The following GAS2L1 variants were observed in gnomAD, a reference collection of about 807,000 sequenced individuals.
GAS2L1 encodes the protein growth arrest specific 2 like 1.
In GAS2L1, 26 loss-of-function variants were observed where a neutral mutation model predicts 44.0. That is an observed-to-expected ratio of 0.59 (90% CI 0.43 to 0.82). GAS2L1 has a LOEUF of 0.82. Among genes scored for constraint, GAS2L1 ranks in the 40% least tolerant of loss-of-function variants. The probability of loss-of-function intolerance (pLI) is 0.00; values close to 1 mark genes in which losing one functional copy is unlikely to be tolerated. For synonymous variants in GAS2L1, 426 were observed against 415.9 expected (o/e 1.02, Z -0.30); for missense variants, 1,006 against 983.0 (o/e 1.02, Z -0.31).
exon 5 of GAS2L1, chr22:29,311,734 C>G (rs2061409064): frequency 2.6e-6 from 4 of 1,532,744 alleles, no homozygotes; most frequent in African/African-American, 1.4e-5. Flanking sequence ...CTGTCGGTCC[C>G]CAGCCCTGCC....
At chr22:29,311,730 G>T in exon 5 of GAS2L1, 1 of 1,532,344 alleles carries the variant, frequency 6.5e-7, no homozygotes, top group Non-Finnish European at 8.7e-7. Context: ...CCAGCTGTCG[G>T]TCCCCAGCCC....
chr22:29,308,055 A>G, exon 1 of GAS2L1: 1 of 1,472,434 alleles, frequency 6.8e-7, no homozygotes, highest in Non-Finnish European at 9.0e-7. Flanking sequence ...CTGGGTCCCC[A>G]CAGCGATCCT....
chr22:29,310,605 C>A (rs765898487), intron 2 of GAS2L1, 33 bp from the exon 4 acceptor site: 1 of 1,591,720 alleles, frequency 6.3e-7, no homozygotes, highest in Non-Finnish European at 8.6e-7. Context: ...GCGGGGCGCC[C>A]GGGGCACAGC....
exon 2 of GAS2L1, chr22:29,310,490 A>G (rs1234070860): frequency 6.2e-7 from 1 of 1,612,602 alleles, no homozygotes. Context: ...TCCCATGATC[A>G]AGGTCTCAGA....
At chr22:29,308,569 C>T (rs2061373010) in exon 1 of GAS2L1, 2 of 1,598,640 alleles carry the variant, frequency 1.3e-6, no homozygotes, top group Non-Finnish European at 1.7e-6. Flanking sequence ...CTGCTGGCCC[C>T]ACGCCTCGTG....
chr22:29,308,609 G>A (rs113516975), exon 1 of GAS2L1: 5 of 1,594,938 alleles, frequency 3.1e-6, no homozygotes, highest in Middle Eastern at 1.7e-4. Flanking sequence ...AGCGGGAGCT[G>A]CGTGCTGCAC....
exon 5 of GAS2L1, chr22:29,311,489 C>G: frequency 6.7e-7 from 1 of 1,499,010 alleles, no homozygotes; most frequent in South Asian, 1.2e-5. Flanking sequence ...CCCCCCATCC[C>G]CGCTCCCGCC....
exon 5 of GAS2L1, chr22:29,312,223 C>A: frequency 6.2e-7 from 1 of 1,613,016 alleles, no homozygotes; most frequent in Non-Finnish European, 8.5e-7. Context: ...AATGGGCTGC[C>A]TGGGCCCCGA....
chr22:29,307,296 C>T (rs1266905755), exon 1 of GAS2L1: 1 of 152,228 alleles, frequency 6.6e-6, no homozygotes, highest in Non-Finnish European at 1.5e-5. Flanking sequence ...GGCCCAGAGC[C>T]CCAGCACCGG....
chr22:29,312,014 G>A, exon 5 of GAS2L1: 1 of 1,611,990 alleles, frequency 6.2e-7, no homozygotes, highest in Non-Finnish European at 8.5e-7. Context: ...TCCGGCGCCT[G>A]GAAGAGGAGT....
Position 29,312,107 on chromosome 22 carries a change from CCCTCCAGCTCCTGACTCTGCCTATTGTT to C in GAS2L1, c.1664_1691del (p.Ala555ValfsTer52), listed in dbSNP as rs1438806692. 2.5e-6 allele frequency: 4 copies of C among 1,612,768 alleles called. No homozygotes were observed. Among genetic ancestry groups the C allele is most frequent in the African/African-American group, 1.3e-5 (1 of 74,954 alleles). On this transcript the variant is annotated frameshift_variant, in exon 5 of 5. Transcript: ENST00000618518. LOFTEE classifies it high-confidence loss of function. ...CCCCTGACCCAGCTCGGGCCCCCGA[CCCTCCAGCTCCTGACTCTGCCTATTGTT>C]CCTCCAGTTCCTCCTCTTCGTCCCT...
chr22:29,308,771 G>A (rs529843808), intron 1 of GAS2L1, 33 bp downstream of exon 2: 59 of 1,460,770 alleles, frequency 4.0e-5, no homozygotes, highest in Non-Finnish European at 4.9e-5. Flanking sequence ...CCAGGGACCC[G>A]ACAGCACAGC....
At chr22:29,309,935 G>A (rs996004339) in intron 1 of GAS2L1, among the ~76,000 whole-genome samples, 4 of 152,156 alleles carry the variant, frequency 2.6e-5, no homozygotes, top group African/African-American at 9.7e-5. Flanking sequence ...GCAGCTCCCT[G>A]GACCCAGAGA....
Position 29,310,099 on chromosome 22 carries a change from G to A in GAS2L1, c.634-340G>A, listed in dbSNP as rs112331835. Among the ~76,000 whole-genome samples the A allele has an allele frequency of 3.2e-3, 493 of 152,040 alleles. 2 individuals carry two copies. The highest frequency in any genetic ancestry group is 0.011 in the African/African-American group (460 of 41,478). On this transcript the variant is annotated intron_variant, in intron 1 of 4. Coordinates refer to ENST00000618518, the Ensembl canonical transcript of GAS2L1. ...CTCTACTAAAAATACAAAATTAGCC[G>A]GGAGTGGTGGTGCATGCCTGTAATC...
chr22:29,311,009 G>T lies in GAS2L1; in HGVS notation c.1010+11G>T. 6.2e-7 allele frequency: 1 copy of T among 1,607,418 alleles called. No homozygotes were observed. On this transcript the variant is annotated intron_variant, in intron 4 of 4. Coordinates refer to ENST00000618518, the Ensembl canonical transcript of GAS2L1. ...CGAGACCCCACCCAGGTGAGATGCAGGAGGACGAGGAGTGAGGGGTCCAGA... is the reference window on the plus strand; with the variant it reads ...CGAGACCCCACCCAGGTGAGATGCATGAGGACGAGGAGTGAGGGGTCCAGA...
chr22:29,310,026 C>G (rs1216495226), intron 1 of GAS2L1, among the ~76,000 whole-genome samples: 1 of 152,016 alleles, frequency 6.6e-6, no homozygotes, highest in Non-Finnish European at 1.5e-5. Context: ...ATTTGGGAGG[C>G]CGAGGCGGGT....
Position 29,311,508 on chromosome 22 carries a change from G to T in GAS2L1, c.1057G>T (p.Gly353Trp), listed in dbSNP as rs752899183. 12 of 1,527,962 alleles carry T rather than the reference G, an allele frequency of 7.9e-6. No individual in the cohort carries two copies. In the East Asian group the frequency reaches 3.0e-4, roughly 38 times the overall value. 94.7% of individuals were successfully genotyped at this position (1,527,962 alleles called of 1,614,324 possible). The change falls in exon 5 of 5, where the codon GGG (glycine) becomes TGG (tryptophan). Residue 353 changes from glycine to tryptophan, a missense_variant. Gly to Trp is a radical substitution (Grantham distance 184). Transcript: ENST00000618518. ...CCATCCCCGCTCCCGCCGCTACTCC[G>T]GGGACAGTGACTCCTCAGCCTCCTC...
At position 29,310,428 on chromosome 22, in the gene GAS2L1, T is replaced by C. The variant is rs1177924070; in HGVS notation, c.634-11T>C. ...TGACCTCTGACCCCTACCCTCTCTC[T>C]CTGGCCTCAGGTGAGGGAGATTCTG... On this transcript the variant is annotated splice_polypyrimidine_tract_variant and intron_variant, in intron 1 of 4. Coordinates refer to ENST00000618518, the Ensembl canonical transcript of GAS2L1. 1.3e-6 allele frequency: 2 copies of C among 1,501,538 alleles called. No homozygotes were observed. Among genetic ancestry groups the C allele is most frequent in the South Asian group, 2.3e-5 (2 of 88,466 alleles). The allele number at this position is 1,501,538 out of a possible 1,614,324, so 93.0% of individuals were successfully genotyped here. A position where few individuals can be genotyped will look rare whatever the true frequency, so the allele number is the denominator to read the frequency against.
At chr22:29,312,422 C>T (rs778902164) in exon 5 of GAS2L1, 2 of 1,552,012 alleles carry the variant, frequency 1.3e-6, no homozygotes, top group East Asian at 2.3e-5. Context: ...GCCGCCCCTC[C>T]GGACCCGCAG....
Sources: allele counts gnomAD v4.1 joint callset (sites outside exome capture counted in the v4.1 genomes callset), GRCh38; gene constraint gnomAD v4.1.1; transcripts MANE v1.5; gene names NCBI Gene and HGNC (gene_info 2026-07-23, HGNC 2026-07-21).